Variants in SEL1L2 observed in about 807,000 individuals in gnomAD.
SEL1L2 encodes the protein SEL1L2 adaptor subunit of SYVN1 ubiquitin ligase.
SEL1L2 carries 89 observed loss-of-function variants against 98.8 expected under a neutral mutation model. The observed-to-expected ratio is 0.90, with a 90% CI of 0.76 to 1.07. SEL1L2 has a LOEUF of 1.07. Ranked by LOEUF, SEL1L2 falls within the 50% of genes least tolerant of loss-of-function variation. SEL1L2 has a pLI of 0.00. For synonymous variants in SEL1L2, 262 were observed against 278.5 expected (o/e 0.94, Z 0.59); for missense variants, 788 against 812.0 (o/e 0.97, Z 0.36).
chr20:13,886,634 T>C (rs943670742), intron 8 of SEL1L2, among the ~76,000 whole-genome samples, 192 bp from the exon 9 acceptor site: 1 of 152,178 alleles, frequency 6.6e-6, no homozygotes, highest in African/African-American at 2.4e-5. Context: ...ATGTCTGTAA[T>C]CCCAGCACTT....
chr20:13,930,581 T>A (rs1220068984), intron 3 of SEL1L2, among the ~76,000 whole-genome samples: 1 of 152,240 alleles, frequency 6.6e-6, no homozygotes, highest in East Asian at 1.9e-4. Context: ...AACATTTCGA[T>A]GTCATATCTA....
In SEL1L2 at chr20:13,961,423, G is replaced by C. The variant is rs558285440; in HGVS notation, c.59-5292C>G. Among the ~76,000 whole-genome samples the C allele has an allele frequency of 2.0e-5, 3 of 152,306 alleles. No homozygotes were observed. In the South Asian group the frequency reaches 6.2e-4, roughly 32 times the overall value. On this transcript the variant is annotated intron_variant, in intron 1 of 19. Transcript: ENST00000284951. Reference sequence around the variant, plus strand: ...GAGATAGAAGAATTTTGAAGTGGTAGGGAAGAAGCTAGCACTACAGCCTAC... The same window carrying C: ...GAGATAGAAGAATTTTGAAGTGGTACGGAAGAAGCTAGCACTACAGCCTAC...
At chr20:13,874,272 TA>T (rs1368377649) in intron 12 of SEL1L2, among the ~76,000 whole-genome samples, 8 of 152,174 alleles carry the variant, frequency 5.3e-5, no homozygotes, top group Non-Finnish European at 1.2e-4. Context: ...TGATATCATT[TA>T]AAAACAAATT....
intron 2 of SEL1L2, among the ~76,000 whole-genome samples, chr20:13,945,318 C>T (rs778122547): frequency 5.8e-4 from 89 of 152,194 alleles, no homozygotes; most frequent in Admixed American, 3.9e-3. Flanking sequence ...GATATTCTTA[C>T]GTTTTTCTGC....
chr20:13,967,761 C>T (rs2051116186), intron 1 of SEL1L2, among the ~76,000 whole-genome samples: 1 of 144,496 alleles, frequency 6.9e-6, no homozygotes, highest in Non-Finnish European at 1.5e-5. Context: ...ATTATTGCCC[C>T]CCAACCTCTA....
rs543966458 is a variant in SEL1L2, at chr20:13,919,064, T to C, written c.343A>G (p.Ile115Val). The change falls in exon 4 of 20, where the codon ATC becomes GTC. Residue 115 changes from isoleucine to valine, a missense_variant. Ile to Val is a conservative substitution (Grantham distance 29, BLOSUM62 3). Coordinates refer to ENST00000284951, the MANE Select transcript of SEL1L2 (RefSeq NM_025229.2). Reference protein sequence around the residue: ...DEGDQLFKMGIKVLQQSKSQK... With the variant: ...DEGDQLFKMGVKVLQQSKSQK... ...CTTTTAGACTGCTGGAGAACCTTGA[T>C]GCCCATCTTAAATAGCTGGTCTCCT... 109 of 1,613,988 alleles carry C rather than the reference T, an allele frequency of 6.8e-5. No homozygotes were observed. In the South Asian group the frequency reaches 9.7e-4, roughly 14 times the overall value.
At chr20:13,983,023 CAAAAA>C (rs57993052) in intron 1 of SEL1L2, among the ~76,000 whole-genome samples, 786 of 15,548 alleles carry the variant, frequency 0.051, 15 homozygotes, top group African/African-American at 0.11. Context: ...GACTCCATCT[CAAAAA>C]AAAAAAAAAA....
intron 1 of SEL1L2, among the ~76,000 whole-genome samples, chr20:13,989,947 T>C (rs2148592529): frequency 6.6e-6 from 1 of 152,210 alleles, no homozygotes; most frequent in African/African-American, 2.4e-5. Flanking sequence ...TATATGAGGA[T>C]TGGGTAAAAA....
At chr20:13,953,694 C>T (rs1224981583) in intron 2 of SEL1L2, among the ~76,000 whole-genome samples, 2 of 152,300 alleles carry the variant, frequency 1.3e-5, no homozygotes, top group African/African-American at 2.4e-5. Context: ...AGGAAGTACA[C>T]TCTCTCGCTT....
At chr20:13,859,540 T>C (rs1174756374) in intron 17 of SEL1L2, 106 bp from the exon 18 acceptor site, 4 of 965,138 alleles carry the variant, frequency 4.1e-6, no homozygotes, top group African/African-American at 1.7e-5. Flanking sequence ...AATATATATG[T>C]ATCTATAGCC....
chr20:13,918,246 T>G (rs1472090804), intron 4 of SEL1L2, among the ~76,000 whole-genome samples: 1 of 152,202 alleles, frequency 6.6e-6, no homozygotes, highest in East Asian at 1.9e-4. Context: ...GATTGCATTA[T>G]CCGGGTCACA....
intron 1 of SEL1L2, among the ~76,000 whole-genome samples, chr20:13,976,729 G>A (rs965128072): frequency 4.6e-5 from 7 of 152,192 alleles, no homozygotes; most frequent in East Asian, 1.9e-4. Context: ...TAAGAGAAAA[G>A]CAAGTTAGAA....
chr20:13,889,805 A>G (rs1357406289), intron 5 of SEL1L2, among the ~76,000 whole-genome samples: 1 of 152,192 alleles, frequency 6.6e-6, no homozygotes, highest in Non-Finnish European at 1.5e-5. Flanking sequence ...AAAACAAAAA[A>G]CAAAAAAAGC....
intron 3 of SEL1L2, chr20:13,928,155 A>C (rs1452155666): frequency 6.6e-6 from 1 of 152,236 alleles, no homozygotes; most frequent in African/African-American, 2.4e-5. Flanking sequence ...AGCGCAGCCA[A>C]TCACCATCTT....
intron 2 of SEL1L2, among the ~76,000 whole-genome samples, chr20:13,952,653 C>T (rs996684355): frequency 2.0e-5 from 3 of 152,190 alleles, no homozygotes; most frequent in Admixed American, 1.3e-4. Flanking sequence ...ATGCCTGCTC[C>T]CGTCTTTCTA....
chr20:13,963,581 T>C (rs1391658712), intron 1 of SEL1L2, among the ~76,000 whole-genome samples: 1 of 151,766 alleles, frequency 6.6e-6, no homozygotes, highest in Non-Finnish European at 1.5e-5. Context: ...GCAGGCGTAG[T>C]GGCATATGCT....
At chr20:13,856,465 AT>A (rs1335882078) in intron 18 of SEL1L2, among the ~76,000 whole-genome samples, 1 of 152,104 alleles carries the variant, frequency 6.6e-6, no homozygotes, top group East Asian at 1.9e-4. Flanking sequence ...TTGTGTGTGA[AT>A]GCTTGTGTTT....
chr20:13,987,643 C>T (rs1174790260), intron 1 of SEL1L2, among the ~76,000 whole-genome samples: 4 of 151,950 alleles, frequency 2.6e-5, no homozygotes, highest in Non-Finnish European at 4.4e-5. Flanking sequence ...CCACTGCGCC[C>T]GGCCGATAAT....
At chr20:13,978,794 C>T (rs149594061) in intron 1 of SEL1L2, among the ~76,000 whole-genome samples, 2,206 of 152,280 alleles carry the variant, frequency 0.014, 46 homozygotes, top group African/African-American at 0.05. Flanking sequence ...CGGTGGCTCA[C>T]GCCTGTAATC....
Sources: gnomAD v4.1 joint callset for allele counts (sites outside exome capture counted in the v4.1 genomes callset) on GRCh38, gnomAD v4.1.1 for gene constraint, MANE v1.5 for transcripts, NCBI Gene and HGNC (gene_info 2026-07-23, HGNC 2026-07-21) for gene names.